SLC38A8: variants seen among roughly 807,000 people sequenced by gnomAD.
The protein encoded by SLC38A8 is solute carrier family 38 member 8.
Under a neutral mutation model 46.0 loss-of-function variants are expected in SLC38A8, and 65 were observed. The ratio of observed to expected loss-of-function variants is 1.41; its 90% CI spans 1.16 to 1.74. The LOEUF (loss-of-function observed/expected upper bound fraction) is 1.74. SLC38A8 is among the 40% of genes most tolerant of loss of function. The probability of loss-of-function intolerance (pLI) is 0.00; values close to 1 mark genes in which losing one functional copy is unlikely to be tolerated. For synonymous variants in SLC38A8, 447 were observed against 243.7 expected (o/e 1.83, Z -7.77); for missense variants, 998 against 567.9 (o/e 1.76, Z -7.70).
At chr16:84,025,271 T>G (rs1004565412) in intron 6 of SLC38A8, among the ~76,000 whole-genome samples, 3 of 152,146 alleles carry the variant, frequency 2.0e-5, no homozygotes, top group Non-Finnish European at 4.4e-5. Flanking sequence ...TGCCAAGGCC[T>G]CATTCCTGCC....
At chr16:84,017,007 C>A in intron 8 of SLC38A8, 133 bp downstream of exon 8, 3 of 1,284,324 alleles carry the variant, frequency 2.3e-6, no homozygotes, top group East Asian at 2.5e-5. Flanking sequence ...ATCCTCTGTG[C>A]CTGTTTCCTC....
intron 7 of SLC38A8, among the ~76,000 whole-genome samples, chr16:84,022,159 C>T (rs1388095926): frequency 6.6e-6 from 1 of 152,184 alleles, no homozygotes; most frequent in Non-Finnish European, 1.5e-5. Context: ...TCCAAGGCTG[C>T]CTGAGAGATT....
Position 84,033,454 on chromosome 16 carries a change from A to AGGAG in SLC38A8, c.400_403dup (p.Leu135ProfsTer72). ...CTGCGGGGCGGGCGGGGTGCCAGACAGGAGGGAGTCACACACTGCCAGAGA... is the reference window on the plus strand; with the variant it reads ...CTGCGGGGCGGGCGGGGTGCCAGACAGGAGGGAGGGAGTCACACACTGCCAGAGA... On this transcript the variant is annotated frameshift_variant, in exon 4 of 11. Coordinates refer to ENST00000299709, the MANE Select transcript of SLC38A8 (RefSeq NM_001080442.3). LOFTEE classifies it high-confidence loss of function. The AGGAG allele has an allele frequency of 6.2e-7, 1 of 1,607,622 alleles. No individual in the cohort carries two copies.
upstream of SLC38A8, among the ~76,000 whole-genome samples, chr16:84,042,965 C>T (rs1422165590): frequency 1.3e-5 from 2 of 152,124 alleles, no homozygotes; most frequent in Admixed American, 6.5e-5. Context: ...GATCTCATGG[C>T]AGCTTCTGCA....
intron 9 of SLC38A8, among the ~76,000 whole-genome samples, chr16:84,015,324 T>C (rs1375839627): frequency 2.0e-5 from 3 of 151,948 alleles, no homozygotes; most frequent in Non-Finnish European, 2.9e-5. Flanking sequence ...GGCTTCCCCT[T>C]CTCAGATAAT....
At chr16:84,021,533 C>A (rs116582411) in intron 7 of SLC38A8, among the ~76,000 whole-genome samples, 2,185 of 152,322 alleles carry the variant, frequency 0.014, 31 homozygotes, top group African/African-American at 0.039. Flanking sequence ...ATCCATATTT[C>A]CATGACTAAC....
At chr16:84,028,647 C>T (rs947149887) in intron 6 of SLC38A8, among the ~76,000 whole-genome samples, 1 of 152,000 alleles carries the variant, frequency 6.6e-6, no homozygotes, top group Non-Finnish European at 1.5e-5. Context: ...CCCATGACAG[C>T]CCAGAAGCAG....
At chr16:84,018,464 C>A (rs1340886402) in intron 7 of SLC38A8, among the ~76,000 whole-genome samples, 1 of 152,016 alleles carries the variant, frequency 6.6e-6, no homozygotes. Flanking sequence ...CGTGATCCAC[C>A]CGCCCTGGCC....
At chr16:84,037,586 C>A (rs1427205209) in intron 2 of SLC38A8, among the ~76,000 whole-genome samples, 2 of 151,960 alleles carry the variant, frequency 1.3e-5, no homozygotes, top group Non-Finnish European at 2.9e-5. Context: ...CATGGAGAAA[C>A]CCTGTCCCTA....
intron 7 of SLC38A8, among the ~76,000 whole-genome samples, chr16:84,020,810 C>T (rs1332312313): frequency 6.6e-6 from 1 of 152,192 alleles, no homozygotes; most frequent in African/African-American, 2.4e-5. Flanking sequence ...AATCCTTTCT[C>T]TCCATATTAA....
At position 84,013,067 on chromosome 16, in the gene SLC38A8, G is replaced by T. The variant is rs367869251; in HGVS notation, c.1163-15C>A. ...GAGGCACAAACCTGCAAAAAAGACA[G>T]GGTCACCCACAGTTCTTCGTTATCA... On this transcript the variant is annotated splice_polypyrimidine_tract_variant and intron_variant, in intron 9 of 10. Coordinates refer to ENST00000299709, the MANE Select transcript of SLC38A8 (RefSeq NM_001080442.3). The T allele has an allele frequency of 6.2e-7, 1 of 1,613,992 alleles. No homozygotes were observed. Among genetic ancestry groups the T allele is most frequent in the Admixed American group, 1.7e-5 (1 of 60,002 alleles).
intron 9 of SLC38A8, among the ~76,000 whole-genome samples, chr16:84,015,286 G>A (rs555927796): frequency 1.3e-5 from 2 of 152,218 alleles, no homozygotes; most frequent in East Asian, 1.9e-4. Flanking sequence ...TCCACTGGAA[G>A]AAGCATCCCT....
intron 2 of SLC38A8, among the ~76,000 whole-genome samples, chr16:84,040,883 C>T (rs544224174): frequency 2.6e-5 from 4 of 152,320 alleles, no homozygotes; most frequent in East Asian, 1.9e-4. Flanking sequence ...GACCACACTG[C>T]GTCATCCATC....
Position 84,036,904 on chromosome 16 carries a change from C to A in SLC38A8, c.190-4G>T, listed in dbSNP as rs371855940. The A allele has an allele frequency of 2.8e-5, 45 of 1,608,380 alleles. No homozygotes were observed. Among genetic ancestry groups the A allele is most frequent in the Non-Finnish European group, 3.2e-5 (38 of 1,178,686 alleles). On this transcript the variant is annotated splice_polypyrimidine_tract_variant and splice_region_variant and intron_variant, in intron 2 of 10. Coordinates refer to ENST00000299709, the MANE Select transcript of SLC38A8 (RefSeq NM_001080442.3). The stretch of plus-strand genomic sequence containing the variant: ...TGATCAGGAAGACCAACGAGACCTG[C>A]GGAGAAGGAGCAGGACCTGGAACTG...
At chr16:84,029,422 T>C in intron 6 of SLC38A8, 72 bp downstream of exon 6, 1 of 1,544,824 alleles carries the variant, frequency 6.5e-7, no homozygotes, top group Non-Finnish European at 8.9e-7. Flanking sequence ...AAACCAAGGT[T>C]TCCCAAGGGA....
At chr16:84,031,351 C>G (rs1234674547) in intron 5 of SLC38A8, among the ~76,000 whole-genome samples, 2 of 152,180 alleles carry the variant, frequency 1.3e-5, no homozygotes, top group South Asian at 2.1e-4. Flanking sequence ...TAGAGTGACC[C>G]TTTCTAAAAA....
At chr16:84,025,675 C>T (rs774791199) in intron 6 of SLC38A8, among the ~76,000 whole-genome samples, 4 of 152,214 alleles carry the variant, frequency 2.6e-5, no homozygotes, top group Non-Finnish European at 5.9e-5. Context: ...CTCTGTCACT[C>T]ATGAGTCCTC....
At chr16:84,013,110 AG>A in intron 9 of SLC38A8, 58 bp from the exon 10 acceptor site, 1 of 1,605,548 alleles carries the variant, frequency 6.2e-7, no homozygotes, top group Non-Finnish European at 8.5e-7. Context: ...AGCAACAAAA[AG>A]GTCCCGGGAG....
chr16:84,017,302 G>A lies in SLC38A8; in HGVS notation c.806-15C>T, dbSNP rs552056683. On this transcript the variant is annotated splice_polypyrimidine_tract_variant and intron_variant, in intron 7 of 10. Coordinates refer to ENST00000299709, the MANE Select transcript of SLC38A8 (RefSeq NM_001080442.3). ...GCCATAAACCCCTGAAGGTGGGAAA[G>A]GATGGAAGCCACAGAGTGGATTAGG... 3.7e-6 allele frequency: 6 copies of A among 1,613,638 alleles called. No individual in the cohort carries two copies. In the East Asian group the frequency reaches 6.7e-5, roughly 18 times the overall value.
Sources: gnomAD v4.1 joint callset for allele counts (sites outside exome capture counted in the v4.1 genomes callset) on GRCh38, gnomAD v4.1.1 for gene constraint, MANE v1.5 for transcripts, NCBI Gene and HGNC (gene_info 2026-07-23, HGNC 2026-07-21) for gene names.